Variants in SDC2 observed in about 807,000 individuals in gnomAD.
SDC2 encodes the protein syndecan 2.
A neutral mutation model predicts 22.2 loss-of-function variants in SDC2; 13 were observed. The ratio of observed to expected loss-of-function variants is 0.59; its 90% confidence interval spans 0.38 to 0.93. SDC2 has a LOEUF of 0.93. SDC2 is among the 40% of genes least tolerant of loss of function. The pLI is 0.00. For missense variants in SDC2, 235 were observed against 246.8 expected, an observed-to-expected ratio of 0.95 and a Z score of 0.32; for synonymous variants, 94 against 92.8, an observed-to-expected ratio of 1.01 and a Z score of -0.07.
intron 2 of SDC2, among the ~76,000 whole-genome samples, chr8:96,595,787 C>T (rs1033458858): frequency 3.4e-4 from 52 of 152,214 alleles, no homozygotes; most frequent in African/African-American, 1.3e-3. Flanking sequence ...CTCTACAGAC[C>T]CCCTGCCCCC....
chr8:96,571,687 C>T (rs1178786638), intron 1 of SDC2, among the ~76,000 whole-genome samples: 1 of 152,176 alleles, frequency 6.6e-6, no homozygotes, highest in Non-Finnish European at 1.5e-5. Flanking sequence ...TTACATACCA[C>T]TTTGCCTGAC....
intron 1 of SDC2, among the ~76,000 whole-genome samples, chr8:96,584,556 C>CG (rs1814649872): frequency 6.6e-6 from 1 of 152,170 alleles, no homozygotes; most frequent in African/African-American, 2.4e-5. Flanking sequence ...TGCCAAACTC[C>CG]GCCAGGAAAC....
chr8:96,545,450 G>A (rs898685174), intron 1 of SDC2, among the ~76,000 whole-genome samples: 3 of 152,178 alleles, frequency 2.0e-5, no homozygotes, highest in Admixed American at 6.5e-5. Flanking sequence ...GGTCAGTATT[G>A]GGGAATGAGG....
At position 96,494,266 on chromosome 8, in the gene SDC2, G is replaced by A. The variant is rs997773054; in HGVS notation, c.-6G>A. 3 of 1,544,674 alleles carry A rather than the reference G, an allele frequency of 1.9e-6. No individual in the cohort carries two copies. Among genetic ancestry groups the A allele is most frequent in the African/African-American group, 2.7e-5 (2 of 73,178 alleles). ...AGCGGCTGGGAGCAGCCGGTCCCTG[G>A]GGAATATGCGGCGCGCGTGGATCCT... On this transcript the variant is annotated 5_prime_UTR_variant, in exon 1 of 5. Transcript: ENST00000302190.
chr8:96,495,469 T>C (rs971842759), intron 1 of SDC2, among the ~76,000 whole-genome samples: 5 of 152,204 alleles, frequency 3.3e-5, no homozygotes, highest in Admixed American at 2.6e-4. Flanking sequence ...AGGTGGAAGC[T>C]TGAGCACCCC....
In SDC2 at chr8:96,494,163, G is replaced by A. The variant is rs915997276; in HGVS notation, c.-109G>A. Reference sequence around the variant, plus strand: ...CCCGAGCCTGAGCCGCAATCGCTGCGGTACTCTGCTCCGGATTCGTGTGCG... The same window carrying A: ...CCCGAGCCTGAGCCGCAATCGCTGCAGTACTCTGCTCCGGATTCGTGTGCG... On this transcript the variant is annotated 5_prime_UTR_variant, in exon 1 of 5. Transcript: ENST00000302190. The A allele has an allele frequency of 3.4e-6, 4 of 1,174,706 alleles. No individual in the cohort carries two copies. The highest frequency in any genetic ancestry group is 3.6e-6 in the Non-Finnish European group (3 of 837,746). The allele number at this position is 1,174,706 out of a possible 1,614,324, so 72.8% of individuals were successfully genotyped here. A position where few individuals can be genotyped will look rare whatever the true frequency, so the allele number is the denominator to read the frequency against.
chr8:96,601,640 C>CAAAAAAAAAAAA (rs749025894), intron 2 of SDC2, among the ~76,000 whole-genome samples: 1 of 66,694 alleles, frequency 1.5e-5, no homozygotes, highest in Non-Finnish European at 2.9e-5. Context: ...ACTCCATCTC[C>CAAAAAAAAAAAA]AAAAAAAAAA....
At chr8:96,583,089 A>C (rs1300597160) in intron 1 of SDC2, among the ~76,000 whole-genome samples, 1 of 133,994 alleles carries the variant, frequency 7.5e-6, no homozygotes, top group East Asian at 2.2e-4. Flanking sequence ...TTTAGTACTT[A>C]CATACTTCCA....
At chr8:96,545,603 A>T (rs1328690112) in intron 1 of SDC2, among the ~76,000 whole-genome samples, 2 of 152,236 alleles carry the variant, frequency 1.3e-5, no homozygotes, top group Non-Finnish European at 2.9e-5. Context: ...GGAGGATGCT[A>T]ACCAGCTTTC....
intron 1 of SDC2, among the ~76,000 whole-genome samples, chr8:96,551,957 A>C (rs1300565355): frequency 1.3e-5 from 2 of 152,156 alleles, no homozygotes; most frequent in Non-Finnish European, 2.9e-5. Context: ...ATGTATCCCC[A>C]TGAGTCAGGG....
At chr8:96,587,278 T>C (rs920015528) in intron 1 of SDC2, among the ~76,000 whole-genome samples, 1 of 152,240 alleles carries the variant, frequency 6.6e-6, no homozygotes. Context: ...TTTTCTTTCA[T>C]GTGTGACCTC....
chr8:96,503,546 CAG>C (rs1253233437), intron 1 of SDC2, among the ~76,000 whole-genome samples: 9 of 151,938 alleles, frequency 5.9e-5, no homozygotes, highest in African/African-American at 2.2e-4. Context: ...CAAACATACA[CAG>C]CATGAATACA....
chr8:96,602,380 C>A lies in SDC2; in HGVS notation c.173-15C>A. ...ATGATTGCCATGCTCAGTTCATCTT[C>A]ACTTACTTTTCCAGGAGCTGATGAG... On this transcript the variant is annotated splice_polypyrimidine_tract_variant and intron_variant, in intron 2 of 4. Transcript: ENST00000302190. The A allele has an allele frequency of 6.2e-7, 1 of 1,613,092 alleles. No individual in the cohort carries two copies. The highest frequency in any genetic ancestry group is 1.3e-5 in the African/African-American group (1 of 74,986).
chr8:96,562,661 AACC>A (rs1160573597), intron 1 of SDC2, among the ~76,000 whole-genome samples: 2 of 152,244 alleles, frequency 1.3e-5, no homozygotes, highest in African/African-American at 2.4e-5. Flanking sequence ...TAGCTACTAG[AACC>A]AGGAATTCCG....
intron 1 of SDC2, among the ~76,000 whole-genome samples, chr8:96,553,331 G>A (rs1351105647): frequency 1.3e-5 from 2 of 151,880 alleles, no homozygotes; most frequent in African/African-American, 4.8e-5. Flanking sequence ...ATTCTTATTG[G>A]ATTTTAATAT....
chr8:96,550,437 C>T (rs764748948), intron 1 of SDC2, among the ~76,000 whole-genome samples: 29 of 152,290 alleles, frequency 1.9e-4, no homozygotes, highest in Middle Eastern at 3.4e-3. Context: ...ACACTCAACC[C>T]GTTTAATCCA....
intron 1 of SDC2, among the ~76,000 whole-genome samples, chr8:96,541,064 G>T (rs373020192): frequency 4.0e-5 from 6 of 151,674 alleles, no homozygotes; most frequent in African/African-American, 9.7e-5. Context: ...TGATTAAAAG[G>T]TATTATAGAT....
At chr8:96,545,739 G>A (rs1036196945) in intron 1 of SDC2, among the ~76,000 whole-genome samples, 2 of 152,228 alleles carry the variant, frequency 1.3e-5, no homozygotes, top group African/African-American at 4.8e-5. Flanking sequence ...TGGGCATTCT[G>A]TGGGCTTAGG....
intron 1 of SDC2, among the ~76,000 whole-genome samples, chr8:96,544,199 G>A (rs893732297): frequency 6.6e-6 from 1 of 152,020 alleles, no homozygotes; most frequent in African/African-American, 2.4e-5. Flanking sequence ...AAATAACCTC[G>A]GTGCCTTTGG....
Sources: allele counts gnomAD v4.1 joint callset (sites outside exome capture counted in the v4.1 genomes callset), GRCh38; gene constraint gnomAD v4.1.1; transcripts MANE v1.5; gene names NCBI Gene and HGNC (gene_info 2026-07-23, HGNC 2026-07-21).